FAP: variants seen among roughly 807,000 people sequenced by gnomAD.
FAP encodes the protein fibroblast activation protein alpha, also known as prolyl endopeptidase FAP.
In FAP, 110 loss-of-function variants were observed where a neutral mutation model predicts 126.5. The observed-to-expected ratio is 0.87, with a 90% CI of 0.74 to 1.02. The LOEUF is 1.02. Ranked by LOEUF, FAP falls within the 50% of genes least tolerant of loss-of-function variation. FAP has a pLI of 0.00. For missense variants in FAP, 919 were observed against 909.2 expected (o/e 1.01, Z -0.14); for synonymous variants, 334 against 297.3 (o/e 1.12, Z -1.27).
At position 162,218,116 on chromosome 2, in the gene FAP, G is replaced by A. The variant is rs770101873; in HGVS notation, c.632C>T (p.Ala211Val). ...TTTTCCATTAGGAGACCACCAGAGA[G>A]CATATTTTGTAGCAAGCATTTCCTC... The part of the protein sequence containing the change: ...YEEEMLATKY[A>V]LWWSPNGKFL... Residue 211 changes from alanine to valine, a missense_variant, in exon 9 of 26, where the codon GCT (alanine) becomes GTT (valine). Coordinates refer to ENST00000188790, the MANE Select transcript of FAP (RefSeq NM_004460.5). 15 of 1,604,450 alleles carry A rather than the reference G, an allele frequency of 9.3e-6. No individual in the cohort carries two copies. Among genetic ancestry groups the A allele is most frequent in the African/African-American group, 4.0e-5 (3 of 74,380 alleles).
chr2:162,243,194 A>G (rs1559801697), intron 1 of FAP, 128 bp downstream of exon 1: 1 of 860,888 alleles, frequency 1.2e-6, no homozygotes, highest in South Asian at 1.6e-5. Context: ...CAATTTTCCA[A>G]TCCCAACCCA....
chr2:162,209,700 C>T (rs1576170902), intron 12 of FAP: 2 of 443,652 alleles, frequency 4.5e-6, no homozygotes, highest in East Asian at 7.4e-5. Flanking sequence ...GTTATAGATA[C>T]CAAGGATTCA....
intron 21 of FAP, among the ~76,000 whole-genome samples, chr2:162,180,336 G>A (rs1202167275): frequency 1.3e-5 from 2 of 152,122 alleles, no homozygotes; most frequent in African/African-American, 4.8e-5. Context: ...CAAAGCAGGA[G>A]GACAGGTAAG....
chr2:162,170,832 T>G lies in FAP; in HGVS notation c.*147A>C, dbSNP rs145982071. 6.6e-4 allele frequency: 393 copies of G among 595,248 alleles called. 1 individual carries two copies. The African/African-American group carries it at 6.6e-3, about 10-fold the overall frequency. The allele number at this position is 595,248 out of a possible 1,614,324, so 36.9% of individuals were successfully genotyped here. A position where few individuals can be genotyped will look rare whatever the true frequency, so the allele number is the denominator to read the frequency against. On this transcript the variant is annotated 3_prime_UTR_variant, in exon 26 of 26. Coordinates refer to ENST00000188790, the MANE Select transcript of FAP (RefSeq NM_004460.5). ...ATATTTAGCTTGAACTTCTGAGTCC[T>G]CATCTTTTTTTTAACAGCCTTTAGA...
intron 14 of FAP, among the ~76,000 whole-genome samples, chr2:162,202,260 C>A (rs1456356999): frequency 6.6e-6 from 1 of 152,202 alleles, no homozygotes; most frequent in Non-Finnish European, 1.5e-5. Context: ...GAGGAAAGAA[C>A]TGTAAGAAAG....
At chr2:162,219,770 G>C (rs550817045) in intron 7 of FAP, 83 bp downstream of exon 7, 3 of 891,224 alleles carry the variant, frequency 3.4e-6, no homozygotes, top group East Asian at 2.4e-5. Context: ...TTTCTTTCAG[G>C]CAGGGAAATT....
chr2:162,199,449 T>C (rs1369015583), intron 15 of FAP, among the ~76,000 whole-genome samples: 2 of 152,126 alleles, frequency 1.3e-5, no homozygotes, highest in African/African-American at 2.4e-5. Flanking sequence ...CTCCACACAG[T>C]CTACACAAGC....
chr2:162,197,760 A>C (rs930196865), intron 16 of FAP: 1 of 396,510 alleles, frequency 2.5e-6, no homozygotes, highest in African/African-American at 2.1e-5. Context: ...GATATCAAGC[A>C]GTCAAAGATT....
intron 21 of FAP, among the ~76,000 whole-genome samples, chr2:162,182,266 C>G (rs574153969): frequency 1.3e-5 from 2 of 152,204 alleles, no homozygotes; most frequent in East Asian, 3.9e-4. Context: ...AAAGCAAAGT[C>G]CAACTCTAAG....
intron 12 of FAP, among the ~76,000 whole-genome samples, chr2:162,209,009 A>G (rs1439709472): frequency 1.3e-5 from 2 of 152,104 alleles, no homozygotes; most frequent in Non-Finnish European, 2.9e-5. Context: ...CTGGATCCAG[A>G]AAAGTGTACA....
chr2:162,188,003 T>A (rs1187878158), intron 20 of FAP, among the ~76,000 whole-genome samples, 166 bp downstream of exon 20: 3 of 152,120 alleles, frequency 2.0e-5, no homozygotes, highest in African/African-American at 7.2e-5. Flanking sequence ...CATAAATACT[T>A]TTTTTTCATA....
In FAP at chr2:162,215,919, A is replaced by G; in HGVS notation, c.845T>C (p.Val282Ala). Reference protein sequence around the residue: ...PAYVGPQEVPVPAMIASSDYY... With the variant: ...PAYVGPQEVPAPAMIASSDYY... Reference sequence around the variant, plus strand: ...CTACCTTGAGGCTATCATTGCTGGAACAGGCACTTCCTGGGGACCTACATA... The same window carrying G: ...CTACCTTGAGGCTATCATTGCTGGAGCAGGCACTTCCTGGGGACCTACATA... The change falls in exon 10 of 26, where the codon GTT (valine) becomes GCT (alanine). Residue 282 changes from valine (V) to alanine (A), a missense_variant. Transcript: ENST00000188790. 6.2e-7 allele frequency: 1 copy of G among 1,613,690 alleles called. No individual in the cohort carries two copies.
At chr2:162,213,424 C>CAA (rs372977213) in intron 11 of FAP, among the ~76,000 whole-genome samples, 28 of 141,502 alleles carry the variant, frequency 2.0e-4, no homozygotes, top group Admixed American at 1.5e-3. Context: ...AAAAAACAAA[C>CAA]AAAAAAAAAA....
chr2:162,193,841 A>T (rs1449001191), intron 17 of FAP: 1 of 152,118 alleles, frequency 6.6e-6, no homozygotes, highest in African/African-American at 2.4e-5. Context: ...ATCCCAAGGC[A>T]GTCTCCTGAC....
chr2:162,203,271 C>T, intron 12 of FAP, 126 bp from the exon 13 acceptor site: 2 of 619,472 alleles, frequency 3.2e-6, no homozygotes, highest in Non-Finnish European at 2.8e-6. Context: ...CCTCCTCTGT[C>T]TTCTGTCATT....
chr2:162,179,853 G>C (rs1221855095), intron 21 of FAP, among the ~76,000 whole-genome samples: 7 of 145,616 alleles, frequency 4.8e-5, no homozygotes, highest in African/African-American at 1.6e-4. Flanking sequence ...CTGTTGCCCA[G>C]GCTGGAGTAC....
At chr2:162,207,783 T>C (rs1028054738) in intron 12 of FAP, among the ~76,000 whole-genome samples, 1 of 151,016 alleles carries the variant, frequency 6.6e-6, no homozygotes. Context: ...CGATCTCTGC[T>C]CACTGCAAGC....
chr2:162,204,596 G>T (rs1435915687), intron 12 of FAP, among the ~76,000 whole-genome samples: 1 of 152,180 alleles, frequency 6.6e-6, no homozygotes, highest in Non-Finnish European at 1.5e-5. Flanking sequence ...AATGCTCAGG[G>T]ATTTCTAGGA....
intron 4 of FAP, among the ~76,000 whole-genome samples, chr2:162,225,251 C>G (rs1689588499): frequency 6.6e-6 from 1 of 152,096 alleles, no homozygotes; most frequent in South Asian, 2.1e-4. Flanking sequence ...TTCTTAACTC[C>G]TATCTTATGC....
Sources: allele counts gnomAD v4.1 joint callset (sites outside exome capture counted in the v4.1 genomes callset), GRCh38; gene constraint gnomAD v4.1.1; transcripts MANE v1.5; gene names NCBI Gene and HGNC (gene_info 2026-07-23, HGNC 2026-07-21).